Variants in RIPOR2 observed in about 807,000 individuals in gnomAD.
RIPOR2 encodes rho family-interacting cell polarization regulator 2.
A neutral mutation model predicts 114.5 loss-of-function variants in RIPOR2; 39 were observed. That is an observed-to-expected ratio of 0.34 (90% CI 0.26 to 0.44). RIPOR2 has a LOEUF of 0.44. RIPOR2 is among the 20% of genes least tolerant of loss of function. The pLI is 1.00. For missense variants in RIPOR2, 1,007 were observed against 1,255.1 expected (o/e 0.80, Z 2.99); for synonymous variants, 445 against 484.4 (o/e 0.92, Z 1.07).
intron 20 of RIPOR2, among the ~76,000 whole-genome samples, chr6:24,817,792 T>A (rs2113637150): frequency 6.6e-6 from 1 of 152,216 alleles, no homozygotes; most frequent in South Asian, 2.1e-4. Context: ...TCAAAACTGG[T>A]TCTCTGCTTA....
intron 1 of RIPOR2, among the ~76,000 whole-genome samples, chr6:24,972,929 T>A (rs17672922): frequency 0.033 from 5,003 of 152,292 alleles, 128 homozygotes; most frequent in Admixed American, 0.077. Context: ...ATAGAAAACG[T>A]CTGTTAATGT....
intron 1 of RIPOR2, among the ~76,000 whole-genome samples, chr6:25,039,323 G>A (rs1276119001): frequency 6.6e-6 from 1 of 152,166 alleles, no homozygotes; most frequent in Non-Finnish European, 1.5e-5. Flanking sequence ...AACATGCACA[G>A]GTCTTTTGTG....
At chr6:24,899,136 A>G (rs1278961124) in intron 1 of RIPOR2, among the ~76,000 whole-genome samples, 1 of 152,098 alleles carries the variant, frequency 6.6e-6, no homozygotes, top group Admixed American at 6.6e-5. Context: ...TTTGGAAGCC[A>G]CTGGATCATG....
chr6:24,928,999 G>A (rs1172979438), intron 1 of RIPOR2, among the ~76,000 whole-genome samples: 1 of 152,064 alleles, frequency 6.6e-6, no homozygotes, highest in Non-Finnish European at 1.5e-5. Context: ...TCTTCTGCGT[G>A]AAGCATTTTT....
chr6:24,825,415 C>A lies in RIPOR2; in HGVS notation c.2679G>T (p.Gln893His). The A allele has an allele frequency of 4.5e-6, 7 of 1,551,906 alleles. No homozygotes were observed. The highest frequency in any genetic ancestry group is 6.1e-6 in the Non-Finnish European group (7 of 1,146,844). Residue 893 changes from glutamine (Q) to histidine (H), a missense_variant, in exon 19 of 22, where the codon CAG (glutamine) becomes CAT (histidine). Gln to His is a conservative substitution (Grantham distance 24). Transcript: ENST00000643898. ...SQLARQVSMVQTLQSLRDEKL... is the reference protein window; with the variant it reads ...SQLARQVSMVHTLQSLRDEKL... Reference sequence around the variant, plus strand: ...TTTCATCTCTTAGTGATTGCAGAGTCTGAACCATGGAAACTGGAGGGTAAG... The same window carrying A: ...TTTCATCTCTTAGTGATTGCAGAGTATGAACCATGGAAACTGGAGGGTAAG...
intron 1 of RIPOR2, among the ~76,000 whole-genome samples, chr6:24,974,451 G>T (rs1411463422): frequency 5.9e-5 from 9 of 152,078 alleles, no homozygotes; most frequent in Non-Finnish European, 1.3e-4. Flanking sequence ...AGGGAAAATG[G>T]AAATCAAAAC....
chr6:25,036,112 C>T (rs1280198142), intron 1 of RIPOR2, among the ~76,000 whole-genome samples: 1 of 152,142 alleles, frequency 6.6e-6, no homozygotes, highest in Admixed American at 6.5e-5. Flanking sequence ...GGTCCCCTTG[C>T]CCAGTCACAA....
chr6:24,819,839 G>T (rs904072773), intron 19 of RIPOR2, among the ~76,000 whole-genome samples: 1 of 151,462 alleles, frequency 6.6e-6, no homozygotes, highest in African/African-American at 2.4e-5. Context: ...CTTCCTAAAT[G>T]GTTGATAAAA....
At chr6:24,984,893 T>C (rs1452121088) in intron 1 of RIPOR2, among the ~76,000 whole-genome samples, 1 of 152,202 alleles carries the variant, frequency 6.6e-6, no homozygotes, top group Non-Finnish European at 1.5e-5. Flanking sequence ...GGCAGCCTGG[T>C]TGAGGTTCCT....
Position 24,849,795 on chromosome 6 carries a change from C to A in RIPOR2, c.1034+7G>T. 1.2e-6 allele frequency: 2 copies of A among 1,612,016 alleles called. No homozygotes were observed. The highest frequency in any genetic ancestry group is 1.7e-6 in the Non-Finnish European group (2 of 1,178,354). ...CTATATGATGAAATAAAGGAAGAGG[C>A]ACTTACTACCAGGTGATTTCCAGGT... On this transcript the variant is annotated splice_region_variant and intron_variant, in intron 11 of 21. Transcript: ENST00000643898.
chr6:24,911,081 G>C (rs1362400236), intron 1 of RIPOR2: 1 of 636,802 alleles, frequency 1.6e-6, no homozygotes, highest in African/African-American at 2.0e-5. Flanking sequence ...CGAGGGTGGC[G>C]GAGCGCGGAG....
chr6:24,843,268 G>A lies in RIPOR2; in HGVS notation c.1451C>T (p.Pro484Leu). 5.0e-6 allele frequency: 8 copies of A among 1,613,986 alleles called. No homozygotes were observed. Among genetic ancestry groups the A allele is most frequent in the Non-Finnish European group, 6.8e-6 (8 of 1,179,888 alleles). ...CGAGGCAGGTTTTCTGGGCTCCTCT[G>A]GGTCTTCCTCCTTCAGGTGTGACTT... Reference protein sequence around the residue: ...EPKSHLKEEDPEEPRKPASAP... With the variant: ...EPKSHLKEEDLEEPRKPASAP... Residue 484 changes from proline (P) to leucine (L), a missense_variant, in exon 13 of 22, where the codon CCA becomes CTA. Pro to Leu is a moderately conservative substitution (Grantham distance 98). Transcript: ENST00000643898.
intron 1 of RIPOR2, among the ~76,000 whole-genome samples, chr6:25,003,337 C>T (rs1177370051): frequency 1.3e-5 from 2 of 151,460 alleles, no homozygotes; most frequent in East Asian, 3.9e-4. Flanking sequence ...TAACTCTTTC[C>T]TCTTTGAAAG....
chr6:24,833,742 C>T (rs911294553), intron 15 of RIPOR2, among the ~76,000 whole-genome samples: 4 of 152,072 alleles, frequency 2.6e-5, no homozygotes, highest in Non-Finnish European at 4.4e-5. Flanking sequence ...AAATCTCATT[C>T]CTTCAATCTA....
chr6:24,941,353 G>A (rs889682126), intron 1 of RIPOR2, among the ~76,000 whole-genome samples: 5 of 151,608 alleles, frequency 3.3e-5, no homozygotes, highest in African/African-American at 1.2e-4. Flanking sequence ...TGCTGGGAGT[G>A]GTTAGCTTGC....
intron 5 of RIPOR2, among the ~76,000 whole-genome samples, chr6:24,870,049 T>C (rs1179163950): frequency 6.6e-6 from 1 of 152,222 alleles, no homozygotes; most frequent in Non-Finnish European, 1.5e-5. Flanking sequence ...CAGCACCGTA[T>C]ATAAATTTTT....
chr6:25,023,708 C>T lies in RIPOR2; in HGVS notation c.76+18143G>A, dbSNP rs919521770. 12 of 769,786 alleles carry T rather than the reference C, an allele frequency of 1.6e-5. No individual in the cohort carries two copies. The African/African-American group carries it at 2.0e-4, about 13-fold the overall frequency. The allele number at this position is 769,786 out of a possible 1,614,324, so 47.7% of individuals were successfully genotyped here. ...CTCCACGATGTCAGTACAGCCCACA[C>T]CGTGTTTGTCCGCGACTTCGTTCAG... On this transcript the variant is annotated intron_variant, in intron 1 of 13. Transcript: ENST00000510784.
At chr6:25,040,913 A>C (rs1777440887) in intron 1 of RIPOR2, among the ~76,000 whole-genome samples, 1 of 152,062 alleles carries the variant, frequency 6.6e-6, no homozygotes, top group African/African-American at 2.4e-5. Flanking sequence ...AAATTGGAAA[A>C]TCCACCAACC....
intron 1 of RIPOR2, among the ~76,000 whole-genome samples, chr6:24,965,646 G>A (rs191260194): frequency 6.6e-6 from 1 of 152,096 alleles, no homozygotes; most frequent in East Asian, 1.9e-4. Context: ...GGTCTTTCCC[G>A]ACTACACATA....
Sources: gnomAD v4.1 joint callset for allele counts (sites outside exome capture counted in the v4.1 genomes callset) on GRCh38, gnomAD v4.1.1 for gene constraint, MANE v1.5 for transcripts, NCBI Gene and HGNC (gene_info 2026-07-23, HGNC 2026-07-21) for gene names.